The following VPS13B variants were observed in gnomAD, a reference collection of about 807,000 sequenced individuals.
VPS13B encodes the protein intermembrane lipid transfer protein VPS13B.
A neutral mutation model predicts 426.4 loss-of-function variants in VPS13B; 285 were observed. The observed-to-expected ratio is 0.67, with a 90% CI of 0.61 to 0.74. The LOEUF is 0.74. VPS13B is among the 30% of genes least tolerant of loss of function. The pLI, the probability that VPS13B is intolerant of heterozygous loss-of-function variation, is 0.00. For missense variants in VPS13B, 4,537 were observed against 4,782.6 expected (o/e 0.95, Z 1.51); for synonymous variants, 1,676 against 1,676.4 (o/e 1.00, Z 0.01).
In VPS13B at chr8:99,029,038, A is replaced by G. The variant is rs1218299373; in HGVS notation, c.148-9385A>G. Among the ~76,000 whole-genome samples, 3 of 149,530 alleles carry G rather than the reference A, an allele frequency of 2.0e-5. No homozygotes were observed. In the East Asian group the frequency reaches 6.1e-4, roughly 30 times the overall value. ...TTCTCAGACGGGGTGGTTGCCAGGCAGAGGGTTTCCTCACTTCTCAGACGG... is the reference window on the plus strand; with the variant it reads ...TTCTCAGACGGGGTGGTTGCCAGGCGGAGGGTTTCCTCACTTCTCAGACGG... On this transcript the variant is annotated intron_variant, in intron 2 of 61. Coordinates refer to ENST00000357162, the MANE Select transcript of VPS13B (RefSeq NM_152564.5).
At chr8:99,086,888 A>T (rs1025900977) in intron 3 of VPS13B, among the ~76,000 whole-genome samples, 1 of 152,110 alleles carries the variant, frequency 6.6e-6, no homozygotes, top group African/African-American at 2.4e-5. Context: ...CCTCCCAGTT[A>T]GGCTACTCGG....
At chr8:99,365,222 A>G (rs1006698977) in intron 19 of VPS13B, among the ~76,000 whole-genome samples, 7 of 151,266 alleles carry the variant, frequency 4.6e-5, no homozygotes, top group African/African-American at 1.7e-4. Flanking sequence ...CAAAAAATCA[A>G]TATTATTTCA....
chr8:99,178,022 T>C (rs1812728864), intron 16 of VPS13B, among the ~76,000 whole-genome samples: 2 of 151,500 alleles, frequency 1.3e-5, no homozygotes, highest in Non-Finnish European at 2.9e-5. Flanking sequence ...CTCTACGTTG[T>C]TAATGTATTT....
chr8:99,560,048 A>G (rs983908596), intron 31 of VPS13B, among the ~76,000 whole-genome samples: 1 of 152,030 alleles, frequency 6.6e-6, no homozygotes, highest in African/African-American at 2.4e-5. Flanking sequence ...AGCATGGAAT[A>G]TTCTTCCATT....
chr8:99,101,424 G>T (rs1846741135), intron 4 of VPS13B, among the ~76,000 whole-genome samples: 1 of 152,186 alleles, frequency 6.6e-6, no homozygotes, highest in South Asian at 2.1e-4. Flanking sequence ...GAGCCACCGT[G>T]CTTGGCCCCA....
chr8:99,536,895 A>AG (rs1823273291), intron 30 of VPS13B: 2 of 466,010 alleles, frequency 4.3e-6, no homozygotes, highest in Non-Finnish European at 8.9e-6. Flanking sequence ...AGGGAAAAAA[A>AG]GTAACATGCA....
intron 43 of VPS13B, among the ~76,000 whole-genome samples, chr8:99,792,147 C>T (rs540271487): frequency 2.6e-5 from 4 of 152,136 alleles, no homozygotes; most frequent in Admixed American, 1.3e-4. Context: ...TGAGTCTAAA[C>T]AAGTTAGTTG....
intron 35 of VPS13B, chr8:99,696,970 AG>A (rs1832036501): frequency 6.3e-6 from 4 of 638,260 alleles, no homozygotes; most frequent in Non-Finnish European, 1.2e-5. Flanking sequence ...CTGAACGTCA[AG>A]GGGCTGCAGC....
At chr8:99,459,482 A>G (rs1818716042) in intron 23 of VPS13B, among the ~76,000 whole-genome samples, 1 of 152,202 alleles carries the variant, frequency 6.6e-6, no homozygotes. Flanking sequence ...ATATACATAT[A>G]CAAAGCTAGA....
chr8:99,431,907 A>AG (rs534571359), intron 22 of VPS13B, among the ~76,000 whole-genome samples: 220 of 152,220 alleles, frequency 1.4e-3, no homozygotes, highest in African/African-American at 5.0e-3. Context: ...GACTTAAAAA[A>AG]TTTTAGTTCA....
At chr8:99,734,692 C>G (rs1244586897) in intron 39 of VPS13B, among the ~76,000 whole-genome samples, 1 of 152,114 alleles carries the variant, frequency 6.6e-6, no homozygotes, top group African/African-American at 2.4e-5. Context: ...AAGGATGAAT[C>G]AGGACATACT....
At chr8:99,030,858 A>T (rs1842477549) in intron 2 of VPS13B, among the ~76,000 whole-genome samples, 1 of 152,200 alleles carries the variant, frequency 6.6e-6, no homozygotes, top group Non-Finnish European at 1.5e-5. Flanking sequence ...TTATTAATTT[A>T]GTAGTGTACT....
intron 3 of VPS13B, among the ~76,000 whole-genome samples, chr8:99,080,209 A>G (rs1319788799): frequency 6.6e-6 from 1 of 151,598 alleles, no homozygotes; most frequent in East Asian, 1.9e-4. Flanking sequence ...AACTTTCTTT[A>G]GTGTGTCTTT....
intron 19 of VPS13B, among the ~76,000 whole-genome samples, chr8:99,320,531 A>G (rs1269896297): frequency 1.3e-5 from 2 of 152,168 alleles, no homozygotes; most frequent in Non-Finnish European, 2.9e-5. Context: ...GATGATTCAA[A>G]CCATTTACTA....
chr8:99,445,356 A>G (rs1381867175), intron 23 of VPS13B, among the ~76,000 whole-genome samples: 1 of 149,956 alleles, frequency 6.7e-6, no homozygotes, highest in Non-Finnish European at 1.5e-5. Context: ...TCCTAGCTCC[A>G]TGGGAGGTTG....
intron 40 of VPS13B, among the ~76,000 whole-genome samples, chr8:99,770,972 C>T (rs559629610): frequency 6.6e-6 from 1 of 152,318 alleles, no homozygotes; most frequent in South Asian, 2.1e-4. Context: ...TCTCTTGGGC[C>T]AGCCTGGCAG....
At chr8:99,507,895 C>G (rs1821584621) in intron 28 of VPS13B, 2 of 1,614,048 alleles carry the variant, frequency 1.2e-6, no homozygotes, top group Non-Finnish European at 1.7e-6. Context: ...AGTAATTGCT[C>G]TGGCTTCTTT....
intron 35 of VPS13B, among the ~76,000 whole-genome samples, chr8:99,685,152 TAAAC>T (rs1332584262): frequency 2.0e-5 from 3 of 152,250 alleles, no homozygotes; most frequent in Non-Finnish European, 2.9e-5. Context: ...AGGAAAGAGA[TAAAC>T]AAAACTTCAA....
At chr8:99,027,047 T>G (rs1842176711) in intron 2 of VPS13B, among the ~76,000 whole-genome samples, 1 of 152,018 alleles carries the variant, frequency 6.6e-6, no homozygotes, top group Non-Finnish European at 1.5e-5. Context: ...CAGCTAATTT[T>G]TGTATTTTTA....
Sources: allele counts gnomAD v4.1 joint callset (sites outside exome capture counted in the v4.1 genomes callset), GRCh38; gene constraint gnomAD v4.1.1; transcripts MANE v1.5; gene names NCBI Gene and HGNC (gene_info 2026-07-23, HGNC 2026-07-21).